Variants in FHOD3 observed in about 807,000 individuals in gnomAD.
The protein encoded by FHOD3 is formin homology 2 domain containing 3.
Under a neutral mutation model 173.0 loss-of-function variants are expected in FHOD3, and 90 were observed. The ratio of observed to expected loss-of-function variants is 0.52; its 90% CI spans 0.44 to 0.62. FHOD3 has a LOEUF of 0.62. FHOD3 is among the 20% of genes least tolerant of loss of function. The pLI is 0.00. For synonymous variants in FHOD3, 828 were observed against 823.0 expected, an observed-to-expected ratio of 1.01 and a Z score of -0.10; for missense variants, 1,945 against 2,034.7, an observed-to-expected ratio of 0.96 and a Z score of 0.85.
chr18:36,700,547 C>T (rs2039523441), intron 17 of FHOD3, among the ~76,000 whole-genome samples: 1 of 152,074 alleles, frequency 6.6e-6, no homozygotes, highest in African/African-American at 2.4e-5. Context: ...TCAAATCAGC[C>T]CTCTTTCTTT....
intron 1 of FHOD3, among the ~76,000 whole-genome samples, chr18:36,337,711 T>A (rs1275761319): frequency 1.3e-5 from 2 of 152,240 alleles, no homozygotes; most frequent in Admixed American, 6.5e-5. Flanking sequence ...CTGTGGATTT[T>A]AAAATTGGAT....
At position 36,779,521 on chromosome 18, in the gene FHOD3, G is replaced by A; in HGVS notation, c.4860G>A (p.Leu1620=). ...RALGLVGTSE[L]QL is the part of the protein sequence containing the mutation. ...TGGGCTTGGTTGGCACCTCGGAGTT[G>A]CAGCTGTGACACTCATAGGTTACTC... Residue 1620 remains leucine, a synonymous_variant, in exon 29 of 29, where the codon TTG becomes TTA. Transcript: ENST00000590592. The A allele has an allele frequency of 6.2e-7, 1 of 1,614,144 alleles. No individual in the cohort carries two copies. The highest frequency in any genetic ancestry group is 1.3e-5 in the African/African-American group (1 of 75,048).
At chr18:36,711,413 C>A (rs551837260) in intron 18 of FHOD3, 1 of 152,244 alleles carries the variant, frequency 6.6e-6, no homozygotes, top group South Asian at 2.1e-4. Context: ...TTAATGTGTT[C>A]TACTTTAGGG....
intron 7 of FHOD3, among the ~76,000 whole-genome samples, chr18:36,597,681 C>T (rs574555104): frequency 3.3e-5 from 5 of 152,298 alleles, no homozygotes; most frequent in African/African-American, 1.2e-4. Flanking sequence ...CCGCCTTGGC[C>T]TCCCAGAGTG....
chr18:36,439,340 C>T (rs996001599), intron 3 of FHOD3, among the ~76,000 whole-genome samples: 1 of 152,150 alleles, frequency 6.6e-6, no homozygotes, highest in African/African-American at 2.4e-5. Flanking sequence ...TTGCAGAGGA[C>T]CCTCCAGGTA....
intron 10 of FHOD3, among the ~76,000 whole-genome samples, chr18:36,647,841 A>G (rs1430172963): frequency 1.3e-5 from 2 of 152,254 alleles, no homozygotes; most frequent in East Asian, 1.9e-4. Context: ...TTAGATGGAG[A>G]ATAAAACCAG....
At chr18:36,611,566 G>A (rs1188692925) in intron 8 of FHOD3, among the ~76,000 whole-genome samples, 5 of 152,156 alleles carry the variant, frequency 3.3e-5, no homozygotes, top group African/African-American at 1.2e-4. Flanking sequence ...CTTTTAAAGG[G>A]CCTACCTGAT....
chr18:36,342,294 A>G (rs1333176761), intron 1 of FHOD3, among the ~76,000 whole-genome samples: 1 of 152,156 alleles, frequency 6.6e-6, no homozygotes, highest in Non-Finnish European at 1.5e-5. Flanking sequence ...TGGACAGCAG[A>G]AATATTTGAA....
intron 1 of FHOD3, among the ~76,000 whole-genome samples, chr18:36,332,945 G>T (rs371995717): frequency 1.3e-5 from 2 of 152,238 alleles, no homozygotes; most frequent in South Asian, 2.1e-4. Context: ...GACTCTGCCT[G>T]CTGGGGCAGG....
chr18:36,653,299 C>G, intron 12 of FHOD3, 43 bp from the exon 13 acceptor site: 1 of 1,427,990 alleles, frequency 7.0e-7, no homozygotes, highest in Non-Finnish European at 9.4e-7. Context: ...CCTTTGCTAT[C>G]TTTCCGTGCC....
At chr18:36,636,792 G>A (rs899789915) in intron 10 of FHOD3, among the ~76,000 whole-genome samples, 1 of 151,964 alleles carries the variant, frequency 6.6e-6, no homozygotes, top group South Asian at 2.1e-4. Flanking sequence ...AGGGGTCCTT[G>A]GATAGAGCAG....
chr18:36,377,796 C>A (rs1291474932), intron 3 of FHOD3, among the ~76,000 whole-genome samples: 1 of 152,158 alleles, frequency 6.6e-6, no homozygotes, highest in Non-Finnish European at 1.5e-5. Flanking sequence ...TGGGAGACAC[C>A]CCCATCCCAT....
chr18:36,590,481 C>T (rs1408987232), intron 6 of FHOD3, among the ~76,000 whole-genome samples: 3 of 152,172 alleles, frequency 2.0e-5, no homozygotes, highest in African/African-American at 4.8e-5. Flanking sequence ...CATATTTTGA[C>T]GATGAGTTAG....
chr18:36,764,807 A>G (rs1228523519), intron 27 of FHOD3, among the ~76,000 whole-genome samples: 1 of 152,192 alleles, frequency 6.6e-6, no homozygotes, highest in Non-Finnish European at 1.5e-5. Flanking sequence ...TGGAGTGGCA[A>G]GCCACCCACC....
intron 3 of FHOD3, among the ~76,000 whole-genome samples, chr18:36,378,212 ACT>A (rs142626700): frequency 0.012 from 1,859 of 152,258 alleles, 19 homozygotes; most frequent in Admixed American, 0.022. Flanking sequence ...TGGGTTTGAC[ACT>A]GAGTCTCCCC....
chr18:36,497,671 A>C (rs1025186473), intron 3 of FHOD3, among the ~76,000 whole-genome samples: 1 of 152,216 alleles, frequency 6.6e-6, no homozygotes, highest in Non-Finnish European at 1.5e-5. Flanking sequence ...CCCAAATGTA[A>C]GCACACCTAC....
intron 16 of FHOD3, among the ~76,000 whole-genome samples, chr18:36,688,489 C>T (rs1179540072): frequency 6.6e-6 from 1 of 152,148 alleles, no homozygotes; most frequent in Non-Finnish European, 1.5e-5. Context: ...TGATTATTGT[C>T]ATCCTAATAA....
chr18:36,416,254 C>G (rs950136619), intron 3 of FHOD3, among the ~76,000 whole-genome samples: 1 of 152,186 alleles, frequency 6.6e-6, no homozygotes, highest in Non-Finnish European at 1.5e-5. Context: ...AGGATAGTCT[C>G]GATCTCTTGA....
chr18:36,603,662 C>A (rs1189348309), intron 8 of FHOD3, among the ~76,000 whole-genome samples: 1 of 152,056 alleles, frequency 6.6e-6, no homozygotes, highest in Non-Finnish European at 1.5e-5. Context: ...TGCCACCATG[C>A]CTGGCTAATT....
Sources: gnomAD v4.1 joint callset for allele counts (sites outside exome capture counted in the v4.1 genomes callset) on GRCh38, gnomAD v4.1.1 for gene constraint, MANE v1.5 for transcripts, NCBI Gene and HGNC (gene_info 2026-07-23, HGNC 2026-07-21) for gene names.